SYN3: variants seen among roughly 807,000 people sequenced by gnomAD.
SYN3 encodes the protein synapsin III.
Under a neutral mutation model 65.8 loss-of-function variants are expected in SYN3, and 35 were observed. The observed-to-expected ratio is 0.53, with a 90% CI of 0.41 to 0.70. SYN3 has a LOEUF of 0.70. Among genes scored for constraint, SYN3 ranks in the 30% least tolerant of loss-of-function variants. The pLI is 0.00. For missense variants in SYN3, 680 were observed against 749.0 expected (o/e 0.91, Z 1.08); for synonymous variants, 270 against 292.9 (o/e 0.92, Z 0.80).
chr22:32,589,826 T>G (rs2059103658), intron 7 of SYN3, among the ~76,000 whole-genome samples: 1 of 152,184 alleles, frequency 6.6e-6, no homozygotes, highest in Non-Finnish European at 1.5e-5. Context: ...CTTGGTTCAT[T>G]CTTCCATACA....
intron 6 of SYN3, among the ~76,000 whole-genome samples, chr22:32,659,533 C>CTG (rs2060188426): frequency 6.6e-6 from 1 of 152,190 alleles, no homozygotes; most frequent in African/African-American, 2.4e-5. Context: ...CACCCAGTAA[C>CTG]TGCATTTGGC....
intron 6 of SYN3, among the ~76,000 whole-genome samples, chr22:32,779,899 C>T (rs535760719): frequency 6.6e-6 from 1 of 152,100 alleles, no homozygotes; most frequent in South Asian, 2.1e-4. Context: ...CCAAACACAG[C>T]AGGGGAGCAG....
chr22:33,021,478 T>C (rs994448501), intron 1 of SYN3, among the ~76,000 whole-genome samples: 2 of 152,206 alleles, frequency 1.3e-5, no homozygotes, highest in Non-Finnish European at 2.9e-5. Context: ...CTGGCTCTCC[T>C]ACAATGGTAC....
chr22:32,892,444 G>A (rs1462860967), intron 4 of SYN3, among the ~76,000 whole-genome samples: 2 of 152,196 alleles, frequency 1.3e-5, no homozygotes, highest in Non-Finnish European at 2.9e-5. Context: ...GGTTTTGTAG[G>A]ATAGTGTGGG....
At chr22:33,033,709 T>C (rs1336509643) in intron 1 of SYN3, among the ~76,000 whole-genome samples, 1 of 151,922 alleles carries the variant, frequency 6.6e-6, no homozygotes, top group Non-Finnish European at 1.5e-5. Flanking sequence ...GGGAGAGAGA[T>C]TCCTGTGGAA....
chr22:32,751,577 T>C (rs1233376684), intron 6 of SYN3, among the ~76,000 whole-genome samples: 1 of 152,166 alleles, frequency 6.6e-6, no homozygotes, highest in African/African-American at 2.4e-5. Context: ...AACTGGCCTA[T>C]AGGCAGTTTC....
intron 1 of SYN3, among the ~76,000 whole-genome samples, chr22:33,031,978 G>A (rs991173749): frequency 5.9e-5 from 9 of 152,158 alleles, no homozygotes; most frequent in African/African-American, 2.2e-4. Flanking sequence ...AGAGGCTCGA[G>A]GCAGATGGAT....
chr22:33,037,499 C>T (rs1324995173), intron 1 of SYN3, among the ~76,000 whole-genome samples: 1 of 152,210 alleles, frequency 6.6e-6, no homozygotes, highest in Non-Finnish European at 1.5e-5. Flanking sequence ...TAGTGTTTGT[C>T]AAACTATATT....
At chr22:32,675,094 A>G (rs1337752204) in intron 6 of SYN3, among the ~76,000 whole-genome samples, 1 of 152,196 alleles carries the variant, frequency 6.6e-6, no homozygotes, top group Non-Finnish European at 1.5e-5. Context: ...GGAAGAAACA[A>G]ATGTGGTTGA....
rs530435096 is a variant in SYN3 at position 32,722,232 on chromosome 22, G to A, written c.712-125496C>T. Among the ~76,000 whole-genome samples, 5 of 152,276 alleles carry A rather than the reference G, an allele frequency of 3.3e-5. No individual in the cohort carries two copies. The South Asian group carries it at 8.3e-4, about 25-fold the overall frequency. On this transcript the variant is annotated intron_variant, in intron 6 of 13. Coordinates refer to ENST00000358763, the MANE Select transcript of SYN3 (RefSeq NM_003490.4). Reference sequence around the variant, plus strand: ...GTGTCAAGGGGAGGCAGGGGACAACGTACCCACAGGGTGGTGAGTTGGGGT... The same window carrying A: ...GTGTCAAGGGGAGGCAGGGGACAACATACCCACAGGGTGGTGAGTTGGGGT...
intron 6 of SYN3, among the ~76,000 whole-genome samples, chr22:32,754,406 C>A (rs2045232431): frequency 6.6e-6 from 1 of 152,176 alleles, no homozygotes; most frequent in Admixed American, 6.5e-5. Flanking sequence ...CCCGCCTTGG[C>A]CTCCCAAAGT....
At chr22:32,836,956 A>G (rs1158029086) in intron 6 of SYN3, among the ~76,000 whole-genome samples, 1 of 152,182 alleles carries the variant, frequency 6.6e-6, no homozygotes, top group Non-Finnish European at 1.5e-5. Context: ...CTGGGAACAG[A>G]TTTGCTGTCT....
chr22:32,872,751 G>T (rs1001854334), intron 4 of SYN3, among the ~76,000 whole-genome samples: 9 of 152,034 alleles, frequency 5.9e-5, no homozygotes, highest in African/African-American at 2.2e-4. Flanking sequence ...TTCTCCATCT[G>T]GCCAGGGGGT....
rs2058194853 is a variant in SYN3, at chr22:32,538,083, C to T, written c.945G>A (p.Lys315=). The T allele has an allele frequency of 6.2e-7, 1 of 1,614,208 alleles. No homozygotes were observed. Among genetic ancestry groups the T allele is most frequent in the East Asian group, 2.2e-5 (1 of 44,890 alleles). ...CCAGCATGGCAGAGCCTGTGTTGGC[C>T]TTCCAGTTCCCAGAGATGGAGGTTC... ...YMRTSISGNW[K]ANTGSAMLEQ... is the part of the protein sequence containing the mutation. Residue 315 remains lysine, a synonymous_variant, in exon 9 of 14, where the codon AAG becomes AAA. Coordinates refer to ENST00000358763, the MANE Select transcript of SYN3 (RefSeq NM_003490.4).
rs777936979 is a variant in SYN3 at position 32,798,252 on chromosome 22, C to CA, written c.711+66662dup. Among the ~76,000 whole-genome samples, 29 of 152,094 alleles carry CA rather than the reference C, an allele frequency of 1.9e-4. No individual in the cohort carries two copies. The East Asian group carries it at 2.1e-3, about 11-fold the overall frequency. On this transcript the variant is annotated intron_variant, in intron 6 of 13. Transcript: ENST00000358763. ...ATTTCTCTGTGGGCTGGGCACTGTA[C>CA]AAAGACTCAAACGAATCTGTCTACA...
At chr22:32,611,287 T>TTG (rs2059440434) in intron 6 of SYN3, among the ~76,000 whole-genome samples, 2 of 60,890 alleles carry the variant, frequency 3.3e-5, no homozygotes, top group African/African-American at 2.3e-4. Context: ...TTTTTTTGTT[T>TTG]TTTTTTTTTT....
chr22:33,000,955 G>A (rs1342016448), intron 2 of SYN3, among the ~76,000 whole-genome samples: 2 of 152,202 alleles, frequency 1.3e-5, no homozygotes, highest in African/African-American at 4.8e-5. Context: ...CTCTAAGGCA[G>A]TCAGCATCAA....
chr22:32,852,898 G>A (rs147960034), intron 6 of SYN3, among the ~76,000 whole-genome samples: 4 of 152,280 alleles, frequency 2.6e-5, no homozygotes, highest in African/African-American at 7.2e-5. Flanking sequence ...ATGAGAAACC[G>A]ATCCACTGTG....
chr22:32,874,886 C>G (rs2048943032), intron 4 of SYN3, among the ~76,000 whole-genome samples: 1 of 152,182 alleles, frequency 6.6e-6, no homozygotes, highest in Non-Finnish European at 1.5e-5. Context: ...GGTATCAAAT[C>G]TGGGGGAAGG....
Sources: allele counts gnomAD v4.1 joint callset (sites outside exome capture counted in the v4.1 genomes callset), GRCh38; gene constraint gnomAD v4.1.1; transcripts MANE v1.5; gene names NCBI Gene and HGNC (gene_info 2026-07-23, HGNC 2026-07-21).